The following VGLL2 variants were observed in gnomAD, a reference collection of about 807,000 sequenced individuals.
VGLL2 encodes vestigial like family member 2.
Under a neutral mutation model 27.0 loss-of-function variants are expected in VGLL2, and 18 were observed. The observed-to-expected ratio is 0.67, with a 90% CI of 0.46 to 0.99. The LOEUF (loss-of-function observed/expected upper bound fraction) is 0.99, where lower values mean the gene tolerates loss of function less well. Among genes scored for constraint, VGLL2 ranks in the 50% least tolerant of loss-of-function variants. The probability of loss-of-function intolerance (pLI) is 0.00; values close to 1 mark genes in which losing one functional copy is unlikely to be tolerated. For missense variants in VGLL2, 491 were observed against 452.3 expected (o/e 1.09, Z -0.78); for synonymous variants, 220 against 201.1 (o/e 1.09, Z -0.80).
intron 1 of VGLL2, among the ~76,000 whole-genome samples, chr6:117,266,628 G>A (rs1773073797): frequency 6.6e-6 from 1 of 152,190 alleles, no homozygotes; most frequent in South Asian, 2.1e-4. Flanking sequence ...TTCAGGCTGC[G>A]TCTGTTTGAA....
Position 117,265,570 on chromosome 6 carries a change from G to A in VGLL2, c.-194G>A. 5.1e-6 allele frequency: 3 copies of A among 593,848 alleles called. No homozygotes were observed. Among genetic ancestry groups the A allele is most frequent in the South Asian group, 2.0e-5 (1 of 50,260 alleles). The allele number at this position is 593,848 out of a possible 1,614,324, so 36.8% of individuals were successfully genotyped here. ...CGGGAGCTCAGGCGCTTCTGCCCTG[G>A]AGCGCGGTCGGGAGTAAAATCGCAG... On this transcript the variant is annotated 5_prime_UTR_variant, in exon 1 of 4. Coordinates refer to ENST00000326274, the MANE Select transcript of VGLL2 (RefSeq NM_182645.3).
rs141391886 is a variant in VGLL2, at chr6:117,273,392, C to A, written c.*898C>A. On this transcript the variant is annotated 3_prime_UTR_variant, in exon 4 of 4. Coordinates refer to ENST00000326274, the MANE Select transcript of VGLL2 (RefSeq NM_182645.3). ...CTCCATGGAGAAGAACTAGGAATCA[C>A]CACAAGGGGAAGAAATGTACATGAA... 1 of 152,232 alleles carries A rather than the reference C, an allele frequency of 6.6e-6. No homozygotes were observed. Among genetic ancestry groups the A allele is most frequent in the East Asian group, 1.9e-4 (1 of 5,174 alleles). The allele number at this position is 152,232 out of a possible 1,614,324, so 9.4% of individuals were successfully genotyped here.
At chr6:117,271,308 T>C (rs1190124620) in intron 3 of VGLL2, among the ~76,000 whole-genome samples, 1 of 139,640 alleles carries the variant, frequency 7.2e-6, no homozygotes, top group African/African-American at 2.8e-5. Flanking sequence ...ATAATAATAA[T>C]AATAATAATA....
Position 117,270,996 on chromosome 6 carries a change from G to T in VGLL2, c.845G>T (p.Gly282Val), listed in dbSNP as rs1773183090. 1.6e-6 allele frequency: 2 copies of T among 1,232,630 alleles called. No individual in the cohort carries two copies. The highest frequency in any genetic ancestry group is 2.0e-6 in the Non-Finnish European group (2 of 991,154). The allele number at this position is 1,232,630 out of a possible 1,614,324, so 76.4% of individuals were successfully genotyped here. Residue 282 changes from glycine to valine, a missense_variant, in exon 3 of 4, where the codon GGG becomes GTG. Gly to Val is a moderately radical substitution (Grantham distance 109). Transcript: ENST00000326274. ...GAGCCGGCGGGCGCCGCGTGGGCCG[G>T]GCCCGGGGGACCCTTCGCGAGCCCC... Reference protein sequence around the residue: ...KGEPAGAAWAGPGGPFASPSG... With the variant: ...KGEPAGAAWAVPGGPFASPSG...
At chr6:117,268,140 G>C in intron 1 of VGLL2, 42 bp from the exon 2 acceptor site, 3 of 1,592,034 alleles carry the variant, frequency 1.9e-6, no homozygotes, top group Non-Finnish European at 2.6e-6. Flanking sequence ...ATTTGCCATC[G>C]CTTTTGAAAT....
In VGLL2 at chr6:117,270,795, G is replaced by A; in HGVS notation, c.644G>A (p.Gly215Asp). The part of the protein sequence containing the change: ...HHPYALGGAL[G>D]AQAAPYPRPA... The stretch of plus-strand genomic sequence containing the variant: ...CCCTACGCCCTGGGCGGCGCCCTCG[G>A]CGCCCAGGCCGCCCCCTACCCGCGC... Residue 215 changes from glycine to aspartate, a missense_variant, in exon 3 of 4, where the codon GGC becomes GAC. Transcript: ENST00000326274. 2.1e-6 allele frequency: 3 copies of A among 1,441,910 alleles called. No individual in the cohort carries two copies. Among genetic ancestry groups the A allele is most frequent in the African/African-American group, 3.0e-5 (2 of 67,204 alleles). The allele number at this position is 1,441,910 out of a possible 1,614,324, so 89.3% of individuals were successfully genotyped here.
In VGLL2 at chr6:117,272,573, G is replaced by GGATGA; in HGVS notation, c.*81_*85dup. The GGATGA allele has an allele frequency of 1.2e-6, 2 of 1,605,390 alleles. No homozygotes were observed. The highest frequency in any genetic ancestry group is 3.4e-5 in the Admixed American group (2 of 59,574). ...TCAGCATCTGTGCCTCTCACTCCGTGGATGAGGACATGGGGGAAGGCAGAG... is the reference window on the plus strand; with the variant it reads ...TCAGCATCTGTGCCTCTCACTCCGTGGATGAGATGAGGACATGGGGGAAGGCAGAG... On this transcript the variant is annotated 3_prime_UTR_variant, in exon 4 of 4. Coordinates refer to ENST00000326274, the MANE Select transcript of VGLL2 (RefSeq NM_182645.3).
rs1204585820 is a variant in VGLL2, at chr6:117,270,781, G to C, written c.630G>C (p.Leu210=). ...HHAHPHHPYA[L]GGALGAQAAP... is the part of the protein sequence containing the mutation. ...CGCACCCGCATCACCCCTACGCCCTGGGCGGCGCCCTCGGCGCCCAGGCCG... is the reference window on the plus strand; with the variant it reads ...CGCACCCGCATCACCCCTACGCCCTCGGCGGCGCCCTCGGCGCCCAGGCCG... Residue 210 remains leucine (L), a synonymous_variant, in exon 3 of 4, where the codon CTG becomes CTC. Coordinates refer to ENST00000326274, the MANE Select transcript of VGLL2 (RefSeq NM_182645.3). 2.1e-6 allele frequency: 3 copies of C among 1,452,602 alleles called. No homozygotes were observed. The highest frequency in any genetic ancestry group is 2.6e-5 in the Admixed American group (1 of 39,188). 90.0% of individuals were successfully genotyped at this position (1,452,602 alleles called of 1,614,324 possible).
rs752056206 is a variant in VGLL2 at position 117,265,840 on chromosome 6, A to T, written c.77A>T (p.His26Leu). Residue 26 changes from histidine to leucine, a missense_variant, in exon 1 of 4, where the codon CAC becomes CTC. Transcript: ENST00000326274. ...TTCGCAGCCGCCTACACCCCCTACC[A>T]CCAGGTACGTGTCTCCTCTGGGGAC... ...PYFAAAYTPYHQKLAYYSKMQ... is the reference protein window; with the variant it reads ...PYFAAAYTPYLQKLAYYSKMQ... 7 of 1,613,266 alleles carry T rather than the reference A, an allele frequency of 4.3e-6. No individual in the cohort carries two copies. The Admixed American group carries it at 1.2e-4, about 27-fold the overall frequency.
At chr6:117,268,085 C>T in intron 1 of VGLL2, 97 bp from the exon 2 acceptor site, 5 of 1,293,002 alleles carry the variant, frequency 3.9e-6, no homozygotes, top group Non-Finnish European at 5.4e-6. Context: ...CCAGTTTCCC[C>T]ATAAATACCT....
chr6:117,271,330 A>AATGATG (rs1554217560), intron 3 of VGLL2, among the ~76,000 whole-genome samples: 1 of 139,750 alleles, frequency 7.2e-6, no homozygotes, highest in African/African-American at 2.6e-5. Context: ...TAATGATAAT[A>AATGATG]ATAATAATAA....
Position 117,270,806 on chromosome 6 carries a change from G to GC in VGLL2, c.660dup (p.Tyr221LeufsTer101). 3 of 1,436,266 alleles carry GC rather than the reference G, an allele frequency of 2.1e-6. No individual in the cohort carries two copies. Among genetic ancestry groups the GC allele is most frequent in the Non-Finnish European group, 2.7e-6 (3 of 1,098,604 alleles). The allele number at this position is 1,436,266 out of a possible 1,614,324, so 89.0% of individuals were successfully genotyped here. On this transcript the variant is annotated frameshift_variant, in exon 3 of 4. Transcript: ENST00000326274. ...GGGCGGCGCCCTCGGCGCCCAGGCC[G>GC]CCCCCTACCCGCGCCCCGCCGCCGT...
intron 1 of VGLL2, 45 bp downstream of exon 1, chr6:117,265,889 C>T (rs760398287): frequency 4.5e-6 from 7 of 1,564,734 alleles, no homozygotes; most frequent in South Asian, 1.1e-5. Flanking sequence ...GCGCGCCCCC[C>T]GTTTGCGGCG....
At chr6:117,268,551 C>A in intron 2 of VGLL2, 60 bp downstream of exon 2, 1 of 1,455,582 alleles carries the variant, frequency 6.9e-7, no homozygotes. Flanking sequence ...TGGGGTTCAC[C>A]TACAGGAGCC....
At chr6:117,269,444 C>A (rs1399128992) in intron 2 of VGLL2, among the ~76,000 whole-genome samples, 1 of 151,988 alleles carries the variant, frequency 6.6e-6, no homozygotes, top group Admixed American at 6.5e-5. Flanking sequence ...CCTTTTTTCC[C>A]CCTTAAGAGA....
chr6:117,271,330 A>AATAATAATAATG (rs1328444749), intron 3 of VGLL2, among the ~76,000 whole-genome samples: 261 of 139,734 alleles, frequency 1.9e-3, no homozygotes, highest in African/African-American at 6.4e-3. Context: ...TAATGATAAT[A>AATAATAATAATG]ATAATAATAA....
chr6:117,267,862 C>G (rs1035217458), intron 1 of VGLL2, among the ~76,000 whole-genome samples: 1 of 152,166 alleles, frequency 6.6e-6, no homozygotes, highest in Non-Finnish European at 1.5e-5. Context: ...GCTATGAGGT[C>G]AAACTCAGCT....
At position 117,272,554 on chromosome 6, in the gene VGLL2, T is replaced by C; in HGVS notation, c.*60T>C. The C allele has an allele frequency of 6.2e-7, 1 of 1,610,502 alleles. No individual in the cohort carries two copies. The highest frequency in any genetic ancestry group is 1.1e-5 in the South Asian group (1 of 90,746). ...TCTGACCAGCCTTGGAGGCTCAGCATCTGTGCCTCTCACTCCGTGGATGAG... is the reference window on the plus strand; with the variant it reads ...TCTGACCAGCCTTGGAGGCTCAGCACCTGTGCCTCTCACTCCGTGGATGAG... On this transcript the variant is annotated 3_prime_UTR_variant, in exon 4 of 4. Coordinates refer to ENST00000326274, the MANE Select transcript of VGLL2 (RefSeq NM_182645.3).
At chr6:117,266,472 G>A (rs1394228538) in intron 1 of VGLL2, among the ~76,000 whole-genome samples, 3 of 152,192 alleles carry the variant, frequency 2.0e-5, no homozygotes, top group Non-Finnish European at 2.9e-5. Context: ...CGGCAGAGGC[G>A]AGCCTGATAG....
Sources: gnomAD v4.1 joint callset for allele counts (sites outside exome capture counted in the v4.1 genomes callset) on GRCh38, gnomAD v4.1.1 for gene constraint, MANE v1.5 for transcripts, NCBI Gene and HGNC (gene_info 2026-07-23, HGNC 2026-07-21) for gene names.